The following CASK variants were observed in gnomAD, a reference collection of about 807,000 sequenced individuals.
CASK encodes peripheral plasma membrane protein CASK.
CASK carries 4 observed loss-of-function variants against 82.9 expected under a neutral mutation model. The ratio of observed to expected loss-of-function variants is 0.05; its 90% CI spans 0.02 to 0.11. The LOEUF is 0.11. Among genes scored for constraint, CASK ranks in the 10% least tolerant of loss-of-function variants. The probability of loss-of-function intolerance (pLI) is 1.00; values close to 1 mark genes in which losing one functional copy is unlikely to be tolerated. For missense variants in CASK, 358 were observed against 720.9 expected (o/e 0.50, Z 5.76); for synonymous variants, 259 against 253.5 (o/e 1.02, Z -0.20).
At chrX:41,788,410 C>G (rs904628329) in intron 2 of CASK, among the ~76,000 whole-genome samples, 13 of 111,352 alleles carry the variant, frequency 1.2e-4, no homozygotes, top group African/African-American at 4.2e-4. Flanking sequence ...GGGCTTTACC[C>G]GTTTGCTGAT....
chrX:41,866,572 G>A (rs1038676232), intron 1 of CASK, among the ~76,000 whole-genome samples: 56 of 112,081 alleles, frequency 5.0e-4, no homozygotes, highest in Admixed American at 1.9e-4. Context: ...GAGGAAGGAA[G>A]GGGCAGTGAA....
intron 5 of CASK, among the ~76,000 whole-genome samples, chrX:41,711,935 C>T (rs779911268): frequency 4.4e-5 from 5 of 112,604 alleles, no homozygotes; most frequent in African/African-American, 1.3e-4. Context: ...AAATTGTCAG[C>T]GTATCCTCAT....
At chrX:41,829,999 C>CTT (rs1292262147) in intron 2 of CASK, among the ~76,000 whole-genome samples, 1 of 103,013 alleles carries the variant, frequency 9.7e-6, no homozygotes, top group Non-Finnish European at 2.0e-5. Flanking sequence ...TCTGAAATAT[C>CTT]TTTTTTTTTG....
intron 9 of CASK, among the ~76,000 whole-genome samples, chrX:41,635,366 GTAT>G (rs1326331845): frequency 9.0e-6 from 1 of 111,029 alleles, no homozygotes; most frequent in East Asian, 2.8e-4. Flanking sequence ...AAATAAAATG[GTAT>G]TATTAGAATT....
At chrX:41,545,998 G>A (rs750540535) in intron 21 of CASK, among the ~76,000 whole-genome samples, 2 of 109,445 alleles carry the variant, frequency 1.8e-5, no homozygotes, top group African/African-American at 6.7e-5. Flanking sequence ...TTGAGACAGA[G>A]TGTCGCTCTG....
chrX:41,742,773 G>A (rs2068615816), intron 4 of CASK, among the ~76,000 whole-genome samples: 1 of 111,631 alleles, frequency 9.0e-6, no homozygotes, highest in South Asian at 3.7e-4. Context: ...CTTGTTGCAT[G>A]GTCATTGATC....
intron 3 of CASK, among the ~76,000 whole-genome samples, chrX:41,754,012 GAATAAT>G (rs771224438): frequency 3.6e-5 from 4 of 112,105 alleles, no homozygotes; most frequent in Admixed American, 9.4e-5. Context: ...ATTTTAAACT[GAATAAT>G]AATAACAGTA....
At chrX:41,720,256 C>T (rs1171812867) in intron 5 of CASK, among the ~76,000 whole-genome samples, 1 of 112,973 alleles carries the variant, frequency 8.9e-6, no homozygotes, top group East Asian at 2.8e-4. Flanking sequence ...GGGACACCCA[C>T]GATCAGAGCT....
intron 21 of CASK, among the ~76,000 whole-genome samples, chrX:41,545,031 T>TC (rs1422467246): frequency 9.0e-6 from 1 of 111,510 alleles, no homozygotes; most frequent in Non-Finnish European, 1.9e-5. Context: ...ACTGCTGTTT[T>TC]TTTTTTGTTT....
intron 8 of CASK, among the ~76,000 whole-genome samples, chrX:41,646,996 T>C (rs1022339688): frequency 3.6e-5 from 4 of 111,983 alleles, no homozygotes; most frequent in African/African-American, 1.3e-4. Flanking sequence ...ATTGCTGTTA[T>C]CATAGGCCTA....
intron 5 of CASK, among the ~76,000 whole-genome samples, chrX:41,675,167 C>G (rs1420214833): frequency 8.9e-6 from 1 of 112,045 alleles, no homozygotes; most frequent in Non-Finnish European, 1.9e-5. Context: ...GGAATGTGAA[C>G]CGTTTCTGCC....
intron 5 of CASK, among the ~76,000 whole-genome samples, chrX:41,674,367 T>C (rs2067238316): frequency 9.0e-6 from 1 of 110,669 alleles, no homozygotes; most frequent in Non-Finnish European, 1.9e-5. Context: ...ACCTGACAAA[T>C]AGAATAAAGG....
intron 2 of CASK, among the ~76,000 whole-genome samples, chrX:41,842,321 C>G (rs1182554671): frequency 9.0e-6 from 1 of 111,022 alleles, no homozygotes; most frequent in Non-Finnish European, 1.9e-5. Context: ...GCTATAATCT[C>G]AGCACCCTGG....
At chrX:41,871,189 T>C (rs1423594655) in intron 1 of CASK, among the ~76,000 whole-genome samples, 1 of 112,151 alleles carries the variant, frequency 8.9e-6, no homozygotes, top group East Asian at 2.8e-4. Flanking sequence ...AGAATCTCTC[T>C]CATACCAATT....
intron 2 of CASK, among the ~76,000 whole-genome samples, chrX:41,835,058 G>A (rs746082555): frequency 5.4e-5 from 6 of 111,870 alleles, no homozygotes; most frequent in Non-Finnish European, 1.1e-4. Context: ...TATTCCCACA[G>A]CTTCCTAAGG....
At chrX:41,559,716 G>T in intron 18 of CASK, 63 bp downstream of exon 18, 1 of 972,463 alleles carries the variant, frequency 1.0e-6, no homozygotes, top group Non-Finnish European at 1.5e-6. Context: ...AAAACATACA[G>T]CCATCAGCAG....
chrX:41,849,806 A>G (rs960665873), intron 2 of CASK, among the ~76,000 whole-genome samples: 1 of 109,913 alleles, frequency 9.1e-6, no homozygotes, highest in Non-Finnish European at 1.9e-5. Context: ...ATAATATCTC[A>G]TCTTCATTAG....
chrX:41,850,313 C>T (rs1411004922), intron 2 of CASK, among the ~76,000 whole-genome samples: 1 of 111,708 alleles, frequency 9.0e-6, no homozygotes, highest in Non-Finnish European at 1.9e-5. Context: ...TTTTATTTAT[C>T]ATTTGTATTA....
At chrX:41,884,259 A>G (rs752157) in intron 1 of CASK, among the ~76,000 whole-genome samples, 1,176 of 112,116 alleles carry the variant, frequency 0.01, 16 homozygotes, top group African/African-American at 0.036. Context: ...AACTTTTACT[A>G]AAGTTATCCT....
Sources: gnomAD v4.1 joint callset for allele counts (sites outside exome capture counted in the v4.1 genomes callset) on GRCh38, gnomAD v4.1.1 for gene constraint, MANE v1.5 for transcripts, NCBI Gene and HGNC (gene_info 2026-07-23, HGNC 2026-07-21) for gene names.